Variants in THSD7B observed in about 807,000 individuals in gnomAD.
THSD7B encodes the protein thrombospondin type 1 domain containing 7B.
THSD7B carries 138 observed loss-of-function variants against 213.6 expected under a neutral mutation model. That is an observed-to-expected ratio of 0.65 (90% CI 0.56 to 0.74). The LOEUF (loss-of-function observed/expected upper bound fraction) is 0.74. Among genes scored for constraint, THSD7B ranks in the 30% least tolerant of loss-of-function variants. The probability of loss-of-function intolerance (pLI) is 0.00; values close to 1 mark genes in which losing one functional copy is unlikely to be tolerated. For synonymous variants in THSD7B, 742 were observed against 687.0 expected (o/e 1.08, Z -1.25); for missense variants, 1,931 against 1,991.5 (o/e 0.97, Z 0.58).
chr2:137,270,792 A>G (rs1361867547), intron 10 of THSD7B, among the ~76,000 whole-genome samples: 1 of 152,168 alleles, frequency 6.6e-6, no homozygotes, highest in Non-Finnish European at 1.5e-5. Context: ...AAAAAACATC[A>G]TTATAAAAGA....
At chr2:136,935,841 G>A (rs543558097) in intron 2 of THSD7B, among the ~76,000 whole-genome samples, 3 of 149,952 alleles carry the variant, frequency 2.0e-5, no homozygotes, top group Non-Finnish European at 4.4e-5. Context: ...CATATGCCAA[G>A]CTATTTATTA....
rs189918284 is a variant in THSD7B at position 136,988,769 on chromosome 2, T to C, written c.140-67651T>C. ...ACTCCTGCTTAACCAAAAAATCAAG[T>C]CTGTCATTTAAAATGTCCAAGAAGT... On this transcript the variant is annotated intron_variant, in intron 2 of 27. Coordinates refer to ENST00000409968, the MANE Select transcript of THSD7B (RefSeq NM_001316349.2). Among the ~76,000 whole-genome samples the C allele has an allele frequency of 6.4e-4, 98 of 152,338 alleles. 2 individuals carry two copies. Among genetic ancestry groups the C allele is most frequent in the African/African-American group, 2.3e-3 (97 of 41,572 alleles).
chr2:137,495,298 TTTTCTTC>T (rs1353575925), intron 15 of THSD7B, among the ~76,000 whole-genome samples: 13 of 152,238 alleles, frequency 8.5e-5, no homozygotes, highest in African/African-American at 3.1e-4. Flanking sequence ...GCCCTTTGCC[TTTTCTTC>T]TTTCTGTTCC....
At chr2:136,791,732 C>T (rs1172753083) in intron 1 of THSD7B, among the ~76,000 whole-genome samples, 1 of 151,968 alleles carries the variant, frequency 6.6e-6, no homozygotes, top group Non-Finnish European at 1.5e-5. Context: ...GTATTTCTTT[C>T]TTTTTATTGT....
chr2:136,977,821 T>TTTTTC (rs1685508806), intron 2 of THSD7B, among the ~76,000 whole-genome samples: 1 of 135,384 alleles, frequency 7.4e-6, no homozygotes, highest in Non-Finnish European at 1.7e-5. Context: ...TTTTTTTTTT[T>TTTTTC]TAAACGGAGT....
chr2:137,252,110 A>G (rs375641632), intron 10 of THSD7B, among the ~76,000 whole-genome samples: 3 of 151,962 alleles, frequency 2.0e-5, no homozygotes, highest in South Asian at 2.1e-4. Context: ...TACTGAAAAT[A>G]TAAAAAATTA....
At chr2:137,053,766 A>T (rs180957373) in intron 2 of THSD7B, among the ~76,000 whole-genome samples, 180 of 152,280 alleles carry the variant, frequency 1.2e-3, no homozygotes, top group African/African-American at 4.2e-3. Flanking sequence ...GTGTATGCTT[A>T]ATACCTAATC....
At chr2:137,213,666 C>T (rs1419569621) in intron 7 of THSD7B, among the ~76,000 whole-genome samples, 1 of 151,746 alleles carries the variant, frequency 6.6e-6, no homozygotes, top group Non-Finnish European at 1.5e-5. Context: ...TAGTATTCTC[C>T]CTGTTGGATT....
chr2:137,367,910 G>T (rs1316624739), intron 12 of THSD7B, among the ~76,000 whole-genome samples: 1 of 151,998 alleles, frequency 6.6e-6, no homozygotes, highest in African/African-American at 2.4e-5. Flanking sequence ...TCACCCAAAG[G>T]CCTCTTCTCC....
chr2:136,900,543 G>A (rs1684045791), intron 2 of THSD7B, among the ~76,000 whole-genome samples: 2 of 152,076 alleles, frequency 1.3e-5, no homozygotes, highest in Admixed American at 6.6e-5. Flanking sequence ...TGTGGCTATT[G>A]AGAAGGGCCT....
intron 1 of THSD7B, among the ~76,000 whole-genome samples, chr2:136,857,870 T>G (rs1683200432): frequency 6.6e-6 from 1 of 152,254 alleles, no homozygotes; most frequent in African/African-American, 2.4e-5. Context: ...ATTCTGGTTC[T>G]TATATCAGCA....
At chr2:137,462,899 A>AT (rs1248144683) in intron 15 of THSD7B, among the ~76,000 whole-genome samples, 2 of 152,050 alleles carry the variant, frequency 1.3e-5, no homozygotes, top group East Asian at 3.9e-4. Flanking sequence ...AAAGAAAAAA[A>AT]TTGTATGCTG....
At chr2:137,361,465 AAG>A (rs1291545192) in intron 12 of THSD7B, among the ~76,000 whole-genome samples, 14 of 152,180 alleles carry the variant, frequency 9.2e-5, no homozygotes, top group African/African-American at 3.4e-4. Context: ...AACCCATCAA[AAG>A]GAAGCTAAAA....
At chr2:136,974,394 C>T (rs887238431) in intron 2 of THSD7B, among the ~76,000 whole-genome samples, 1 of 152,084 alleles carries the variant, frequency 6.6e-6, no homozygotes, top group Admixed American at 6.5e-5. Context: ...GTTCTCCTCC[C>T]TGTATCCATG....
At chr2:137,655,398 G>A (rs1416834205) in intron 21 of THSD7B, 103 bp from the exon 22 acceptor site, 15 of 1,294,342 alleles carry the variant, frequency 1.2e-5, no homozygotes, top group Middle Eastern at 5.5e-4. Context: ...AGGAAGCTAC[G>A]AAAATATGCA....
intron 2 of THSD7B, among the ~76,000 whole-genome samples, chr2:137,015,435 G>T (rs996795963): frequency 1.1e-4 from 17 of 152,190 alleles, no homozygotes; most frequent in African/African-American, 4.1e-4. Context: ...TGCTGAGGGG[G>T]CATATTGCAC....
intron 2 of THSD7B, among the ~76,000 whole-genome samples, chr2:136,983,099 T>C (rs1242992814): frequency 6.6e-6 from 1 of 151,866 alleles, no homozygotes; most frequent in African/African-American, 2.4e-5. Flanking sequence ...ACATTTCTAA[T>C]GTAAAAAGTA....
Position 137,616,191 on chromosome 2 carries a change from C to A in THSD7B, c.3440C>A (p.Thr1147Lys), listed in dbSNP as rs750225278. The A allele has an allele frequency of 6.2e-7, 1 of 1,613,142 alleles. No individual in the cohort carries two copies. The highest frequency in any genetic ancestry group is 2.2e-5 in the East Asian group (1 of 44,874). Residue 1147 changes from threonine (T) to lysine (K), a missense_variant, in exon 18 of 28, where the codon ACA becomes AAA. Thr to Lys is a moderately conservative substitution (Grantham distance 78, BLOSUM62 -1). Transcript: ENST00000409968. ...TTTTAATAGTCATGCGATCCCCACA[C>A]AATGCAGAGAAGAACTCGCCACCTG... ...SKCPQSCDPH[T>K]MQRRTRHLLR... is the part of the protein sequence containing the mutation.
At chr2:137,551,212 C>G (rs1296195334) in intron 15 of THSD7B, among the ~76,000 whole-genome samples, 1 of 151,902 alleles carries the variant, frequency 6.6e-6, no homozygotes, top group African/African-American at 2.4e-5. Flanking sequence ...TAGGGCATAG[C>G]CTTTTTGTTA....
Sources: gnomAD v4.1 joint callset for allele counts (sites outside exome capture counted in the v4.1 genomes callset) on GRCh38, gnomAD v4.1.1 for gene constraint, MANE v1.5 for transcripts, NCBI Gene and HGNC (gene_info 2026-07-23, HGNC 2026-07-21) for gene names.